PLCB1: variants seen among roughly 807,000 people sequenced by gnomAD.
PLCB1 encodes 1-phosphatidylinositol 4,5-bisphosphate phosphodiesterase beta-1.
In PLCB1, 46 loss-of-function variants were observed where a neutral mutation model predicts 161.8. That is an observed-to-expected ratio of 0.28 (90% CI 0.22 to 0.36). The LOEUF (loss-of-function observed/expected upper bound fraction) is 0.36, where lower values mean the gene tolerates loss of function less well. PLCB1 is among the 10% of genes least tolerant of loss of function. The probability of loss-of-function intolerance (pLI) is 1.00; values close to 1 mark genes in which losing one functional copy is unlikely to be tolerated. For synonymous variants in PLCB1, 517 were observed against 503.7 expected (o/e 1.03, Z -0.35); for missense variants, 1,016 against 1,472.5 (o/e 0.69, Z 5.07).
chr20:8,345,345 A>G (rs1421607756), intron 2 of PLCB1, among the ~76,000 whole-genome samples: 1 of 152,178 alleles, frequency 6.6e-6, no homozygotes, highest in African/African-American at 2.4e-5. Flanking sequence ...GGTTTAGAAC[A>G]TTGATGTCCT....
At position 8,632,155 on chromosome 20, in the gene PLCB1, G is replaced by A. The variant is rs73598293; in HGVS notation, c.384+3724G>A. Among the ~76,000 whole-genome samples the A allele has an allele frequency of 4.3e-3, 600 of 140,806 alleles. 42 individuals are homozygous for A. In the East Asian group the frequency reaches 0.12, roughly 28 times the overall value. 92.4% of individuals were successfully genotyped at this position (140,806 alleles called of 152,430 possible). ...TTGACTCTTTTTGAGAAGGAACTAA[G>A]TGGCACAGAACTCATACTCATGAGT... On this transcript the variant is annotated intron_variant, in intron 4 of 31. Transcript: ENST00000338037.
At chr20:8,721,937 A>G (rs1979655823) in intron 14 of PLCB1, among the ~76,000 whole-genome samples, 1 of 21,974 alleles carries the variant, frequency 4.6e-5, no homozygotes, top group South Asian at 1.7e-3. Flanking sequence ...GGAAAGATGA[A>G]GGAGGGATAG....
intron 2 of PLCB1, among the ~76,000 whole-genome samples, chr20:8,354,047 A>G (rs549924202): frequency 6.6e-6 from 1 of 152,004 alleles, no homozygotes; most frequent in East Asian, 1.9e-4. Context: ...AAAGCTAAAC[A>G]TATAATCGTG....
At chr20:8,167,148 C>T (rs1446863435) in intron 2 of PLCB1, among the ~76,000 whole-genome samples, 2 of 152,098 alleles carry the variant, frequency 1.3e-5, no homozygotes, top group Non-Finnish European at 2.9e-5. Context: ...GTGAAGGGTA[C>T]AGTTGGCTCT....
intron 3 of PLCB1, among the ~76,000 whole-genome samples, chr20:8,479,445 A>G (rs750728223): frequency 1.5e-4 from 23 of 152,194 alleles, no homozygotes; most frequent in Non-Finnish European, 2.2e-4. Context: ...TGCAAGATCT[A>G]TGTCTATTAA....
chr20:8,587,718 T>C (rs1987032834), intron 3 of PLCB1, among the ~76,000 whole-genome samples: 1 of 152,218 alleles, frequency 6.6e-6, no homozygotes, highest in Non-Finnish European at 1.5e-5. Flanking sequence ...AATGCAGTAC[T>C]AATGCAGAAT....
intron 3 of PLCB1, among the ~76,000 whole-genome samples, chr20:8,417,073 A>T (rs201807973): frequency 0.068 from 2,684 of 39,610 alleles, 347 homozygotes; most frequent in East Asian, 0.11. Context: ...ATATATATAT[A>T]TTTTTTTTTT....
chr20:8,312,439 T>A (rs1255135223), intron 2 of PLCB1, among the ~76,000 whole-genome samples: 2 of 152,102 alleles, frequency 1.3e-5, no homozygotes, highest in Admixed American at 6.6e-5. Flanking sequence ...TTCAAAGAGA[T>A]CAAGGCTTGC....
At chr20:8,581,999 G>A (rs942721205) in intron 3 of PLCB1, among the ~76,000 whole-genome samples, 1 of 152,184 alleles carries the variant, frequency 6.6e-6, no homozygotes, top group African/African-American at 2.4e-5. Flanking sequence ...CGAATAGGTT[G>A]CAGTTGGCCA....
intron 31 of PLCB1, among the ~76,000 whole-genome samples, chr20:8,810,485 G>A (rs547657139): frequency 2.6e-5 from 4 of 152,180 alleles, no homozygotes; most frequent in East Asian, 1.9e-4. Flanking sequence ...TACAGTTTTC[G>A]CCCTTTCTCC....
rs1327024568 is a variant in PLCB1 at position 8,193,646 on chromosome 20, T to C, written c.177+43275T>C. On this transcript the variant is annotated intron_variant, in intron 2 of 31. Coordinates refer to ENST00000338037, the MANE Select transcript of PLCB1 (RefSeq NM_015192.4). The stretch of plus-strand genomic sequence containing the variant: ...CTGTAAAACTTTTTATACTTCATAA[T>C]TTCTGAGCTGTTTCTGTACTAGTTA... Among the ~76,000 whole-genome samples, 66 of 151,998 alleles carry C rather than the reference T, an allele frequency of 4.3e-4. 1 individual carries two copies. Among genetic ancestry groups the C allele is most frequent in the Admixed American group, 4.3e-3 (66 of 15,216 alleles).
At chr20:8,673,955 A>C (rs2123369138) in intron 9 of PLCB1, among the ~76,000 whole-genome samples, 1 of 152,088 alleles carries the variant, frequency 6.6e-6, no homozygotes, top group East Asian at 1.9e-4. Context: ...CCTCTTCCCA[A>C]GGGCGCAGTT....
chr20:8,186,745 T>G (rs1175533595), intron 2 of PLCB1, among the ~76,000 whole-genome samples: 1 of 152,100 alleles, frequency 6.6e-6, no homozygotes, highest in Non-Finnish European at 1.5e-5. Flanking sequence ...GGGAGGCAGC[T>G]GGGGGCAGCT....
chr20:8,515,954 C>T (rs1375403302), intron 3 of PLCB1, among the ~76,000 whole-genome samples: 1 of 152,118 alleles, frequency 6.6e-6, no homozygotes, highest in African/African-American at 2.4e-5. Context: ...CTGGGGAGGC[C>T]TCACACTCAT....
In PLCB1 at chr20:8,733,625, T is replaced by A. The variant is rs138746825; in HGVS notation, c.2043+233T>A. Among the ~76,000 whole-genome samples, 1,189 of 149,336 alleles carry A rather than the reference T, an allele frequency of 8.0e-3. 6 individuals carry two copies. The highest frequency in any genetic ancestry group is 0.017 in the Middle Eastern group (5 of 294). On this transcript the variant is annotated intron_variant, in intron 19 of 31. Transcript: ENST00000338037. ...GCACACGGGAAGGGGAACATCACAC[T>A]CTGGGGACTGTTGTGGGGTGGGGGG...
At chr20:8,866,185 G>A (rs1183382129) in intron 31 of PLCB1, among the ~76,000 whole-genome samples, 3 of 152,200 alleles carry the variant, frequency 2.0e-5, no homozygotes, top group East Asian at 1.9e-4. Flanking sequence ...CTTACGTGAC[G>A]AAGAAGGAAA....
intron 3 of PLCB1, among the ~76,000 whole-genome samples, chr20:8,483,313 T>C (rs1982586019): frequency 6.6e-6 from 1 of 152,210 alleles, no homozygotes; most frequent in African/African-American, 2.4e-5. Flanking sequence ...TTCTACCTTT[T>C]TCTAAAGGTG....
chr20:8,265,810 T>C (rs1981926076), intron 2 of PLCB1, among the ~76,000 whole-genome samples: 2 of 152,100 alleles, frequency 1.3e-5, no homozygotes, highest in African/African-American at 4.8e-5. Flanking sequence ...GCAGGAACAG[T>C]ATTTAGTGTT....
intron 3 of PLCB1, among the ~76,000 whole-genome samples, chr20:8,581,164 C>T (rs1986821238): frequency 6.6e-6 from 1 of 152,184 alleles, no homozygotes. Flanking sequence ...ACTTTAAGTT[C>T]TCTGAGGGTA....
Sources: gnomAD v4.1 joint callset for allele counts (sites outside exome capture counted in the v4.1 genomes callset) on GRCh38, gnomAD v4.1.1 for gene constraint, MANE v1.5 for transcripts, NCBI Gene and HGNC (gene_info 2026-07-23, HGNC 2026-07-21) for gene names.